Variants in TTN observed in about 807,000 individuals in gnomAD.
The protein encoded by TTN is connectin.
A neutral mutation model predicts 3,223.0 loss-of-function variants in TTN; 1,525 were observed. The ratio of observed to expected loss-of-function variants is 0.47; its 90% CI spans 0.45 to 0.49. The LOEUF is 0.49. Among genes scored for constraint, TTN ranks in the 20% least tolerant of loss-of-function variants. The pLI, the probability that TTN is intolerant of heterozygous loss-of-function variation, is 0.00. For synonymous variants in TTN, 14,094 were observed against 15,161.0 expected (o/e 0.93, Z 5.17); for missense variants, 40,786 against 43,424.0 (o/e 0.94, Z 5.40).
At chr2:178,702,134 A>G (rs1399362706) in intron 108 of TTN, 34 bp downstream of exon 108, 3 of 1,613,608 alleles carry the variant, frequency 1.9e-6, no homozygotes, top group Non-Finnish European at 2.5e-6. Context: ...TGTTTCGAAG[A>G]TGGCAGGGTG....
At position 178,717,367 on chromosome 2, in the gene TTN, G is replaced by A. The variant is rs1308450887; in HGVS notation, c.25367C>T (p.Pro8456Leu). 6.2e-7 allele frequency: 1 copy of A among 1,607,904 alleles called. No individual in the cohort carries two copies. Among genetic ancestry groups the A allele is most frequent in the Non-Finnish European group, 8.5e-7 (1 of 1,175,458 alleles). The change falls in exon 88 of 363, where the codon CCT becomes CTT. Residue 8456 changes from proline (P) to leucine (L), a missense_variant. Pro to Leu is a moderately conservative substitution (Grantham distance 98). Transcript: ENST00000589042. Reference protein sequence around the residue: ...KLILSEHEVPPFFDLKPVSVD... With the variant: ...KLILSEHEVPLFFDLKPVSVD... ...TGATACAGGCTTTAGATCAAAGAAA[G>A]GAGGCACTTCATGCTCTGAAAAGAA...
chr2:178,722,164 T>C (rs773138204), intron 77 of TTN, 30 bp from the exon 78 acceptor site: 19 of 1,531,494 alleles, frequency 1.2e-5, no homozygotes, highest in African/African-American at 2.8e-5. Flanking sequence ...GCAATGTGTA[T>C]TTTTTGTTTG....
At chr2:178,605,387 AATT>A (rs769109952) in intron 279 of TTN, 24 bp downstream of exon 279, 7 of 1,547,806 alleles carry the variant, frequency 4.5e-6, no homozygotes, top group South Asian at 1.3e-5. Flanking sequence ...AATGCATTAA[AATT>A]ATTATTATAT....
chr2:178,800,705 T>C, intron 3 of TTN, 23 bp from the exon 4 acceptor site: 6 of 1,596,118 alleles, frequency 3.8e-6, no homozygotes, highest in Non-Finnish European at 5.1e-6. Flanking sequence ...GAGAACAAAG[T>C]CAAGAGTGAG....
rs1269772884 is a variant in TTN, at chr2:178,580,455, C to A, written c.66924G>T (p.Leu22308=). 1 of 1,613,114 alleles carries A rather than the reference C, an allele frequency of 6.2e-7. No individual in the cohort carries two copies. Among genetic ancestry groups the A allele is most frequent in the South Asian group, 1.1e-5 (1 of 91,052 alleles). Residue 22308 remains leucine (L), a synonymous_variant, in exon 317 of 363, where the codon CTG becomes CTT. Coordinates refer to ENST00000589042, the MANE Select transcript of TTN (RefSeq NM_001267550.2). The part of the protein sequence containing the change: ...PNVNLRDRIG[L]DIKSTDFDTF... ...TGTCAAAGTCAGTTGACTTTATGTCCAGTCCAATCCTGTCTCTTAGATTGA... is the reference window on the plus strand; with the variant it reads ...TGTCAAAGTCAGTTGACTTTATGTCAAGTCCAATCCTGTCTCTTAGATTGA...
At chr2:178,758,649 C>T in intron 44 of TTN, 1 of 316,298 alleles carries the variant, frequency 3.2e-6, no homozygotes, top group Non-Finnish European at 6.0e-6. Flanking sequence ...TTATCTTAGC[C>T]AATTGAGAAA....
rs368786036 is a variant in TTN, at chr2:178,767,787, C to T, written c.9443G>A (p.Arg3148His). 91 of 1,614,104 alleles carry T rather than the reference C, an allele frequency of 5.6e-5. No individual in the cohort carries two copies. The highest frequency in any genetic ancestry group is 7.7e-5 in the South Asian group (7 of 91,080). ...AKLFVEGRDV[R>H]IRSIKKEVQV... is the part of the protein sequence containing the mutation. ...AACCTCCTTTTTAATACTTCGGATG[C>T]GAACATCTCTGCCTTCTACAAAGAG... Residue 3148 changes from arginine (R) to histidine (H), a missense_variant, in exon 40 of 363, where the codon CGC becomes CAC. Transcript: ENST00000589042.
Position 178,551,931 on chromosome 2 carries a change from C to T in TTN, c.90969G>A (p.Arg30323=). ...CTGGCTTTCCTGGGGGACCAGGAAT[C>T]CTGAACTGGTGTTTTGCCACAATAA... ...SSIIVAKHQF[R]IPGPPGKPVI... Residue 30323 remains arginine, a synonymous_variant, in exon 335 of 363, where the codon AGG becomes AGA. Coordinates refer to ENST00000589042, the MANE Select transcript of TTN (RefSeq NM_001267550.2). 2 of 1,613,548 alleles carry T rather than the reference C, an allele frequency of 1.2e-6. No homozygotes were observed. The highest frequency in any genetic ancestry group is 1.7e-6 in the Non-Finnish European group (2 of 1,179,564).
At position 178,576,213 on chromosome 2, in the gene TTN, G is replaced by A; in HGVS notation, c.69919C>T (p.Gln23307Ter). The change falls in exon 326 of 363, where the codon CAG becomes TAG. Residue 23307 changes from glutamine to a stop codon, truncating the protein, a stop_gained. Transcript: ENST00000589042. LOFTEE classifies it high-confidence loss of function. The surrounding 1 kb of genome is among the most constrained non-coding windows in gnomAD (Gnocchi z 4.3). ...RITQFVVPDLQTKEKYNFRIS... is the reference protein window; with the variant it reads ...RITQFVVPDL ...CTGAAGTTGTATTTTTCTTTAGTCT[G>A]AAGATCAGGAACAACGAACTGAGTG... 6.2e-7 allele frequency: 1 copy of A among 1,613,076 alleles called. No individual in the cohort carries two copies. Among genetic ancestry groups the A allele is most frequent in the Non-Finnish European group, 8.5e-7 (1 of 1,179,446 alleles).
chr2:178,593,694 T>C lies in TTN; in HGVS notation c.58606A>G (p.Lys19536Glu). The change falls in exon 298 of 363, where the codon AAA (lysine) becomes GAA (glutamate). Residue 19536 changes from lysine (K) to glutamate (E), a missense_variant. By Grantham distance (56) the Lys-to-Glu change is moderately conservative. Coordinates refer to ENST00000589042, the MANE Select transcript of TTN (RefSeq NM_001267550.2). The stretch of plus-strand genomic sequence containing the variant: ...AGTTTAGAAACTTTGCATGTTGTTT[T>C]AGCACTTGCAGATGTCACTGGCATC... The part of the protein sequence containing the change: ...VWMPVTSASA[K>E]TTCKVSKLLE... The C allele has an allele frequency of 1.2e-6, 2 of 1,613,410 alleles. No homozygotes were observed. Among genetic ancestry groups the C allele is most frequent in the South Asian group, 2.2e-5 (2 of 91,066 alleles).
intron 1 of TTN, among the ~76,000 whole-genome samples, chr2:178,806,901 G>A (rs141942278): frequency 6.6e-6 from 1 of 152,156 alleles, no homozygotes; most frequent in Non-Finnish European, 1.5e-5. Context: ...AACAGGCAAA[G>A]AGAGTCTAGA....
In TTN at chr2:178,578,956, C is replaced by T. The variant is rs545399178; in HGVS notation, c.68074G>A (p.Val22692Met). The change falls in exon 320 of 363, where the codon GTG becomes ATG. Residue 22692 changes from valine (V) to methionine (M), a missense_variant. Transcript: ENST00000589042. ...EKRDSVNNKW[V>M]TCASAVQKTT... is the part of the protein sequence containing the mutation. ...TTCTGGACAGCTGAGGCGCACGTCA[C>T]CCACTTGTTGTTCACAGAATCCCTC... The T allele has an allele frequency of 1.9e-6, 3 of 1,613,276 alleles. No homozygotes were observed. In the African/African-American group the frequency reaches 4.0e-5, roughly 22 times the overall value.
intron 47 of TTN, chr2:178,746,129 T>G: frequency 6.2e-7 from 1 of 1,613,466 alleles, no homozygotes; most frequent in Non-Finnish European, 8.5e-7. Flanking sequence ...GTATTTAATA[T>G]TATCTGGCTC....
Position 178,644,625 on chromosome 2 carries a change from A to G in TTN, c.40409-9T>C, listed in dbSNP as rs1239330503. 2 of 1,538,282 alleles carry G rather than the reference A, an allele frequency of 1.3e-6. No individual in the cohort carries two copies. Among genetic ancestry groups the G allele is most frequent in the Non-Finnish European group, 1.7e-6 (2 of 1,146,010 alleles). ...TTTCTTCTTTGGAATAGCTTTAAAG[A>G]ATATGATTTTACTTTTGTTATTTGT... On this transcript the variant is annotated splice_polypyrimidine_tract_variant and intron_variant, in intron 217 of 362. Coordinates refer to ENST00000589042, the MANE Select transcript of TTN (RefSeq NM_001267550.2).
In TTN at chr2:178,785,639, T is replaced by C. The variant is rs376614368; in HGVS notation, c.2474A>G (p.Lys825Arg). The change falls in exon 15 of 363, where the codon AAG (lysine) becomes AGG (arginine). Residue 825 changes from lysine (K) to arginine (R), a missense_variant. By Grantham distance (26) the Lys-to-Arg change is conservative. Transcript: ENST00000589042. The part of the protein sequence containing the change: ...HFTVSKISVP[K>R]TEHGYEASIA... ...TCTTACCTCATATCCATGTTCTGTC[T>C]TAGGAACAGAAATTTTTGAAACAGT... is the stretch of plus-strand genomic sequence containing the variant. 6.2e-6 allele frequency: 10 copies of C among 1,614,024 alleles called. No homozygotes were observed. Among genetic ancestry groups the C allele is most frequent in the Non-Finnish European group, 8.5e-6 (10 of 1,179,994 alleles).
At chr2:178,731,254 GCTTACAT>G in intron 59 of TTN, 44 bp downstream of exon 59, 1 of 1,610,838 alleles carries the variant, frequency 6.2e-7, no homozygotes, top group Non-Finnish European at 8.5e-7. Flanking sequence ...CTGCTGAAAG[GCTTACAT>G]CTGCATTTCT....
rs777443881 is a variant in TTN at position 178,717,482 on chromosome 2, GA to G, written c.25351+40del. 8 of 1,564,414 alleles carry G rather than the reference GA, an allele frequency of 5.1e-6. No individual in the cohort carries two copies. The Admixed American group carries it at 1.1e-4, about 22-fold the overall frequency. Reference sequence around the variant, plus strand: ...CAGCCTTTTGGTGGCCTGGAGCAGTGAAGCTGCTTTACAATGAAGAGGGTAC... The same window carrying G: ...CAGCCTTTTGGTGGCCTGGAGCAGTGAGCTGCTTTACAATGAAGAGGGTAC... On this transcript the variant is annotated intron_variant, in intron 87 of 362. Coordinates refer to ENST00000589042, the MANE Select transcript of TTN (RefSeq NM_001267550.2).
chr2:178,562,938 C>T lies in TTN; in HGVS notation c.83194G>A (p.Val27732Met), dbSNP rs1332933880. 1.4e-5 allele frequency: 23 copies of T among 1,613,500 alleles called. No individual in the cohort carries two copies. The highest frequency in any genetic ancestry group is 1.9e-5 in the Non-Finnish European group (23 of 1,179,740). ...IEVTSSFTML[V>M]IDNVTRFDSG... is the part of the protein sequence containing the mutation. ...TCAAATCTGGTAACATTATCAATCA[C>T]CAACATTGTAAATGAGCTGGTCACC... The change falls in exon 326 of 363, where the codon GTG becomes ATG. Residue 27732 changes from valine to methionine, a missense_variant. Val to Met is a conservative substitution (Grantham distance 21). Transcript: ENST00000589042.
chr2:178,545,768 C>T, intron 343 of TTN, 52 bp downstream of exon 343: 1 of 1,599,260 alleles, frequency 6.3e-7, no homozygotes, highest in Non-Finnish European at 8.5e-7. Flanking sequence ...CCTTCTCCCC[C>T]TGATTCTATT....
Sources: allele counts gnomAD v4.1 joint callset (sites outside exome capture counted in the v4.1 genomes callset), GRCh38; gene constraint gnomAD v4.1.1; non-coding constraint Gnocchi (gnomAD v3.1); transcripts MANE v1.5; gene names NCBI Gene and HGNC (gene_info 2026-07-23, HGNC 2026-07-21).